Variants in TRPS1 observed in about 807,000 individuals in gnomAD.
TRPS1 encodes transcriptional repressor GATA binding 1.
Under a neutral mutation model 101.2 loss-of-function variants are expected in TRPS1, and 6 were observed. That is an observed-to-expected ratio of 0.06 (90% CI 0.03 to 0.12). The LOEUF is 0.12. Ranked by LOEUF, TRPS1 falls within the 10% of genes least tolerant of loss-of-function variation. The pLI is 1.00. For synonymous variants in TRPS1, 578 were observed against 589.8 expected (o/e 0.98, Z 0.29); for missense variants, 1,363 against 1,567.0 (o/e 0.87, Z 2.20).
chr8:115,532,637 T>C (rs1816163787), intron 5 of TRPS1, among the ~76,000 whole-genome samples: 1 of 152,152 alleles, frequency 6.6e-6, no homozygotes, highest in Non-Finnish European at 1.5e-5. Context: ...TTCTGAAGCA[T>C]GAATAGAATT....
intron 5 of TRPS1, among the ~76,000 whole-genome samples, chr8:115,577,318 T>G (rs1318964687): frequency 6.6e-6 from 1 of 152,138 alleles, no homozygotes; most frequent in African/African-American, 2.4e-5. Context: ...GTCTTAAACA[T>G]TCATAAATAA....
rs773375246 is a variant in TRPS1 at position 115,410,094 on chromosome 8, T to C, written c.*3929A>G. On this transcript the variant is annotated 3_prime_UTR_variant, in exon 7 of 7. Transcript: ENST00000395715. ...CCTCTAGAAATGCATTAATTTTATT[T>C]ACTAAACAGGGCAGCAGTTCACAGG... The C allele has an allele frequency of 1.3e-5, 2 of 152,042 alleles. No individual in the cohort carries two copies. Among genetic ancestry groups the C allele is most frequent in the Non-Finnish European group, 2.9e-5 (2 of 67,972 alleles). The allele number at this position is 152,042 out of a possible 1,614,324, so 9.4% of individuals were successfully genotyped here.
intron 5 of TRPS1, among the ~76,000 whole-genome samples, chr8:115,451,624 T>C (rs925259975): frequency 2.6e-5 from 4 of 152,178 alleles, no homozygotes; most frequent in Non-Finnish European, 4.4e-5. Flanking sequence ...CAATCATGTA[T>C]ACATTACAGG....
At chr8:115,545,227 C>T (rs560803469) in intron 5 of TRPS1, among the ~76,000 whole-genome samples, 10 of 152,150 alleles carry the variant, frequency 6.6e-5, no homozygotes, top group African/African-American at 1.7e-4. Context: ...CACTGATGAC[C>T]GAGTATGCTG....
chr8:115,647,439 A>C (rs1187278563), intron 1 of TRPS1, among the ~76,000 whole-genome samples: 1 of 152,210 alleles, frequency 6.6e-6, no homozygotes, highest in Non-Finnish European at 1.5e-5. Flanking sequence ...TAAAGGCCTC[A>C]GTTCCCAGAA....
At chr8:115,564,773 G>C (rs989012550) in intron 5 of TRPS1, among the ~76,000 whole-genome samples, 4 of 152,030 alleles carry the variant, frequency 2.6e-5, no homozygotes, top group Non-Finnish European at 5.9e-5. Flanking sequence ...TTTATCTACA[G>C]CAAGTAGTCA....
At chr8:115,645,959 T>C (rs913909639) in intron 1 of TRPS1, among the ~76,000 whole-genome samples, 2 of 152,142 alleles carry the variant, frequency 1.3e-5, no homozygotes, top group African/African-American at 4.8e-5. Flanking sequence ...CCACTCTTTC[T>C]ACAATAGCTG....
At chr8:115,597,863 A>T (rs1432753052) in intron 4 of TRPS1, among the ~76,000 whole-genome samples, 1 of 152,122 alleles carries the variant, frequency 6.6e-6, no homozygotes, top group Non-Finnish European at 1.5e-5. Flanking sequence ...TAATAAAGAT[A>T]CCTCAATTTT....
At chr8:115,455,608 T>C (rs149335050) in intron 5 of TRPS1, among the ~76,000 whole-genome samples, 1 of 152,288 alleles carries the variant, frequency 6.6e-6, no homozygotes, top group Non-Finnish European at 1.5e-5. Flanking sequence ...CAGGTAATAC[T>C]GAACTCATTT....
At chr8:115,466,918 A>T (rs983995800) in intron 5 of TRPS1, among the ~76,000 whole-genome samples, 1 of 152,064 alleles carries the variant, frequency 6.6e-6, no homozygotes, top group African/African-American at 2.4e-5. Context: ...AAAAAAAAAA[A>T]GTTAATCTCA....
At chr8:115,461,922 A>G (rs1473951401) in intron 5 of TRPS1, among the ~76,000 whole-genome samples, 1 of 152,102 alleles carries the variant, frequency 6.6e-6, no homozygotes, top group Non-Finnish European at 1.5e-5. Flanking sequence ...TTCCAACCTT[A>G]AAAAAAGAAC....
At chr8:115,496,244 AT>A (rs1397344133) in intron 5 of TRPS1, among the ~76,000 whole-genome samples, 5 of 152,208 alleles carry the variant, frequency 3.3e-5, no homozygotes, top group African/African-American at 1.2e-4. Context: ...CCCGGTACTA[AT>A]TGGCAGAAAC....
chr8:115,531,720 T>C (rs535863365), intron 5 of TRPS1, among the ~76,000 whole-genome samples: 2 of 149,212 alleles, frequency 1.3e-5, no homozygotes, highest in Admixed American at 6.6e-5. Context: ...TTAGAATACA[T>C]AGCTGAGAAG....
Position 115,421,050 on chromosome 8 carries a change from T to C in TRPS1, c.2701-2598A>G, listed in dbSNP as rs144959768. ...CAGGCTGGAGTGCAATGGCACACGA[T>C]CTTGGCTCACTGCAACCTCCACCTC... On this transcript the variant is annotated intron_variant, in intron 5 of 6. Transcript: ENST00000395715. 8.7e-3 allele frequency among the ~76,000 whole-genome samples: 1,315 copies of C among 151,524 alleles called. 24 individuals carry two copies. The highest frequency in any genetic ancestry group is 0.031 in the African/African-American group (1,268 of 41,226).
At chr8:115,641,899 AC>A (rs1412321682) in intron 1 of TRPS1, among the ~76,000 whole-genome samples, 1 of 152,102 alleles carries the variant, frequency 6.6e-6, no homozygotes, top group African/African-American at 2.4e-5. Context: ...ACAAAACAAA[AC>A]AAAACAAAAC....
intron 1 of TRPS1, among the ~76,000 whole-genome samples, chr8:115,628,264 T>C (rs540791864): frequency 2.1e-4 from 32 of 151,894 alleles, no homozygotes; most frequent in Non-Finnish European, 3.7e-4. Flanking sequence ...ACCATAGACA[T>C]ATCCAACAGA....
intron 2 of TRPS1, among the ~76,000 whole-genome samples, chr8:115,621,472 C>T (rs2721937): frequency 0.16 from 24,346 of 152,216 alleles, 2,611 homozygotes; most frequent in East Asian, 0.31. Flanking sequence ...TTTGGATAGA[C>T]AAGTGTACCT....
At chr8:115,540,817 C>T (rs1354709215) in intron 5 of TRPS1, among the ~76,000 whole-genome samples, 1 of 151,782 alleles carries the variant, frequency 6.6e-6, no homozygotes, top group Non-Finnish European at 1.5e-5. Context: ...ACAACTTACG[C>T]ACCCCATAAA....
chr8:115,597,184 T>C (rs972817113), intron 4 of TRPS1, among the ~76,000 whole-genome samples: 1 of 152,004 alleles, frequency 6.6e-6, no homozygotes, highest in Non-Finnish European at 1.5e-5. Flanking sequence ...AGTAAAATTA[T>C]GTAGTCACTG....
Sources: gnomAD v4.1 joint callset for allele counts (sites outside exome capture counted in the v4.1 genomes callset) on GRCh38, gnomAD v4.1.1 for gene constraint, MANE v1.5 for transcripts, NCBI Gene and HGNC (gene_info 2026-07-23, HGNC 2026-07-21) for gene names.